Variants in CHCHD6 observed in about 807,000 individuals in gnomAD.
The protein encoded by CHCHD6 is MICOS complex subunit MIC25.
In CHCHD6, 28 loss-of-function variants were observed where a neutral mutation model predicts 32.3. The ratio of observed to expected loss-of-function variants is 0.87; its 90% CI spans 0.64 to 1.19. The LOEUF is 1.19. Ranked by LOEUF, CHCHD6 falls within the 50% of genes most tolerant of loss-of-function variation. The pLI is 0.00. For synonymous variants in CHCHD6, 122 were observed against 117.5 expected, an observed-to-expected ratio of 1.04 and a Z score of -0.25; for missense variants, 333 against 307.0, an observed-to-expected ratio of 1.08 and a Z score of -0.63.
At chr3:126,842,619 T>C (rs1941137646) in intron 4 of CHCHD6, among the ~76,000 whole-genome samples, 1 of 152,192 alleles carries the variant, frequency 6.6e-6, no homozygotes, top group Non-Finnish European at 1.5e-5. Context: ...TTTGCTTAAA[T>C]CTCAATTTTG....
intron 6 of CHCHD6, chr3:126,956,942 A>G (rs534724944): frequency 4.8e-5 from 8 of 167,518 alleles, no homozygotes; most frequent in African/African-American, 1.9e-4. Flanking sequence ...GGTTATAGTC[A>G]CGGGTAAACC....
rs368392979 is a variant in CHCHD6, at chr3:126,862,687, C to G, written c.495+9957C>G. On this transcript the variant is annotated intron_variant, in intron 5 of 7. Transcript: ENST00000290913. ...CCCCTCCTCCACCATCACCACCTCC[C>G]CCTCCTCCACCATCACCACCTCCTC... 4.8e-3 allele frequency among the ~76,000 whole-genome samples: 138 copies of G among 28,500 alleles called. 2 individuals are homozygous for G. The highest frequency in any genetic ancestry group is 4.1e-3 in the Non-Finnish European group (72 of 17,734). The allele number at this position is 28,500 out of a possible 152,430, so 18.7% of individuals were successfully genotyped here.
intron 6 of CHCHD6, among the ~76,000 whole-genome samples, chr3:126,924,596 G>T (rs766606802): frequency 2.0e-5 from 3 of 152,250 alleles, no homozygotes; most frequent in Non-Finnish European, 4.4e-5. Flanking sequence ...GTTCCTGGTT[G>T]TGTGAGTGGG....
intron 4 of CHCHD6, among the ~76,000 whole-genome samples, chr3:126,749,044 G>A (rs1035597674): frequency 6.6e-6 from 1 of 152,212 alleles, no homozygotes; most frequent in African/African-American, 2.4e-5. Flanking sequence ...GTGGGAAGGA[G>A]ACAAAGAATG....
At chr3:126,862,288 A>ACCT (rs1168633212) in intron 5 of CHCHD6, among the ~76,000 whole-genome samples, 1 of 111,782 alleles carries the variant, frequency 8.9e-6, no homozygotes, top group Non-Finnish European at 1.9e-5. Flanking sequence ...TACCATCACC[A>ACCT]CCTCCTCCTC....
chr3:126,763,468 TG>T (rs1482464838), intron 4 of CHCHD6, among the ~76,000 whole-genome samples: 2 of 152,050 alleles, frequency 1.3e-5, no homozygotes, highest in Non-Finnish European at 2.9e-5. Flanking sequence ...GGCCTATAGG[TG>T]GTTGCCACCA....
At chr3:126,810,490 T>C (rs1383702506) in intron 4 of CHCHD6, among the ~76,000 whole-genome samples, 2 of 152,184 alleles carry the variant, frequency 1.3e-5, no homozygotes, top group Non-Finnish European at 2.9e-5. Flanking sequence ...AGACTATTTA[T>C]GTGCTATTTG....
intron 4 of CHCHD6, among the ~76,000 whole-genome samples, chr3:126,734,005 T>TA (rs1168723397): frequency 6.6e-6 from 1 of 152,128 alleles, no homozygotes; most frequent in Non-Finnish European, 1.5e-5. Context: ...TGAAGGCTGT[T>TA]ACTGCCCCAC....
intron 5 of CHCHD6, among the ~76,000 whole-genome samples, chr3:126,866,295 CA>C (rs1942288393): frequency 6.6e-6 from 1 of 152,198 alleles, no homozygotes; most frequent in Non-Finnish European, 1.5e-5. Context: ...AGTAGTCAAG[CA>C]CTTCACCTGC....
intron 4 of CHCHD6, among the ~76,000 whole-genome samples, chr3:126,810,746 A>C (rs148310136): frequency 1.3e-5 from 2 of 152,348 alleles, no homozygotes; most frequent in Non-Finnish European, 2.9e-5. Context: ...CTGTTTTGTA[A>C]GTTTAAAACT....
At chr3:126,943,270 C>G (rs1249556101) in intron 6 of CHCHD6, among the ~76,000 whole-genome samples, 1 of 152,202 alleles carries the variant, frequency 6.6e-6, no homozygotes. Context: ...AAGGACAAGG[C>G]TTTCATTCTT....
At chr3:126,807,661 C>T (rs978160185) in intron 4 of CHCHD6, among the ~76,000 whole-genome samples, 21 of 152,118 alleles carry the variant, frequency 1.4e-4, no homozygotes, top group African/African-American at 3.4e-4. Flanking sequence ...GAGAAGGGCC[C>T]GTTAGTTCGT....
chr3:126,949,014 A>C (rs940561274), intron 6 of CHCHD6, among the ~76,000 whole-genome samples: 1 of 152,240 alleles, frequency 6.6e-6, no homozygotes, highest in African/African-American at 2.4e-5. Flanking sequence ...ATAAAGGGGC[A>C]TCTCTGCCTT....
chr3:126,938,941 C>G (rs1559933369), intron 6 of CHCHD6, among the ~76,000 whole-genome samples: 2 of 152,232 alleles, frequency 1.3e-5, no homozygotes, highest in Non-Finnish European at 2.9e-5. Flanking sequence ...ATTTGGTACT[C>G]TTTTTCATTC....
At chr3:126,907,324 G>A (rs2078021683) in intron 5 of CHCHD6, among the ~76,000 whole-genome samples, 1 of 152,196 alleles carries the variant, frequency 6.6e-6, no homozygotes, top group Non-Finnish European at 1.5e-5. Flanking sequence ...GTAGGGCATA[G>A]CCAACTAGCC....
chr3:126,955,076 T>C (rs559639843), intron 6 of CHCHD6, among the ~76,000 whole-genome samples: 1 of 152,344 alleles, frequency 6.6e-6, no homozygotes, highest in East Asian at 1.9e-4. Flanking sequence ...GTGCAGTCCC[T>C]GAGAACACCT....
At chr3:126,755,420 A>G (rs1253799316) in intron 4 of CHCHD6, among the ~76,000 whole-genome samples, 2 of 152,176 alleles carry the variant, frequency 1.3e-5, no homozygotes, top group Admixed American at 6.5e-5. Flanking sequence ...TCTGGGTAAC[A>G]TCCCTGGCTG....
chr3:126,721,615 C>T (rs1407725808), intron 1 of CHCHD6, among the ~76,000 whole-genome samples: 1 of 152,138 alleles, frequency 6.6e-6, no homozygotes, highest in African/African-American at 2.4e-5. Flanking sequence ...ACAATACATC[C>T]ATTTAAGGCA....
At chr3:126,775,721 C>T (rs143868609) in intron 4 of CHCHD6, among the ~76,000 whole-genome samples, 3 of 152,304 alleles carry the variant, frequency 2.0e-5, no homozygotes, top group African/African-American at 4.8e-5. Flanking sequence ...GGAGGGGCAC[C>T]TCATGGCTGA....
Sources: gnomAD v4.1 joint callset for allele counts (sites outside exome capture counted in the v4.1 genomes callset) on GRCh38, gnomAD v4.1.1 for gene constraint, MANE v1.5 for transcripts, NCBI Gene and HGNC (gene_info 2026-07-23, HGNC 2026-07-21) for gene names.